FGF12: variants seen among roughly 807,000 people sequenced by gnomAD.
The protein encoded by FGF12 is fibroblast growth factor 12.
FGF12 carries 14 observed loss-of-function variants against 23.6 expected under a neutral mutation model. That is an observed-to-expected ratio of 0.59 (90% CI 0.39 to 0.93). The LOEUF is 0.93. FGF12 is among the 40% of genes least tolerant of loss of function. FGF12 has a pLI of 0.00. For missense variants in FGF12, 175 were observed against 217.8 expected (o/e 0.80, Z 1.24); for synonymous variants, 62 against 77.3 (o/e 0.80, Z 1.04).
At chr3:192,460,049 T>C (rs892496174) in intron 2 of FGF12, among the ~76,000 whole-genome samples, 4 of 152,234 alleles carry the variant, frequency 2.6e-5, no homozygotes, top group Admixed American at 1.3e-4. Flanking sequence ...ATTTACGATA[T>C]GGGGATAATG....
At chr3:192,378,080 T>TCTTTCTC (rs1553805087) in intron 2 of FGF12, among the ~76,000 whole-genome samples, 1 of 105,810 alleles carries the variant, frequency 9.5e-6, no homozygotes, top group Non-Finnish European at 2.0e-5. Context: ...CTTTCTTTCT[T>TCTTTCTC]TCTTTCTTTC....
chr3:192,689,749 G>T (rs1283129115), intron 2 of FGF12, among the ~76,000 whole-genome samples: 1 of 151,872 alleles, frequency 6.6e-6, no homozygotes, highest in Non-Finnish European at 1.5e-5. Context: ...CCATTATTTA[G>T]AAAAATAATG....
chr3:192,480,986 C>T (rs1480952966), intron 2 of FGF12, among the ~76,000 whole-genome samples: 1 of 152,132 alleles, frequency 6.6e-6, no homozygotes, highest in South Asian at 2.1e-4. Flanking sequence ...TCAGACATAA[C>T]ATGAAGGCAG....
intron 4 of FGF12, among the ~76,000 whole-genome samples, chr3:192,182,543 A>G (rs1281494491): frequency 6.6e-6 from 1 of 152,194 alleles, no homozygotes; most frequent in Non-Finnish European, 1.5e-5. Context: ...AACCCATGAA[A>G]TAGGCAATCT....
At chr3:192,512,287 G>C (rs1724501473) in intron 2 of FGF12, among the ~76,000 whole-genome samples, 1 of 152,056 alleles carries the variant, frequency 6.6e-6, no homozygotes, top group African/African-American at 2.4e-5. Context: ...ATTTGCATAT[G>C]CACACTGGGC....
At chr3:192,651,590 G>C (rs1402180595) in intron 2 of FGF12, among the ~76,000 whole-genome samples, 1 of 151,856 alleles carries the variant, frequency 6.6e-6, no homozygotes, top group Admixed American at 6.6e-5. Flanking sequence ...ATTTAAAATG[G>C]GTGGACAAAT....
intron 2 of FGF12, among the ~76,000 whole-genome samples, chr3:192,601,943 A>G (rs772198253): frequency 2.0e-5 from 3 of 152,136 alleles, no homozygotes; most frequent in African/African-American, 7.2e-5. Flanking sequence ...TTTGTTTCAC[A>G]GTTGGTTGAA....
intron 2 of FGF12, among the ~76,000 whole-genome samples, chr3:192,573,089 T>C (rs1013758902): frequency 1.3e-5 from 2 of 152,184 alleles, no homozygotes; most frequent in African/African-American, 4.8e-5. Context: ...CTAAAGAGTC[T>C]CATTCTATAT....
chr3:192,374,720 A>T (rs1167716490), intron 2 of FGF12, among the ~76,000 whole-genome samples: 1 of 152,126 alleles, frequency 6.6e-6, no homozygotes, highest in African/African-American at 2.4e-5. Context: ...GTTAATACTA[A>T]GGTGCAAGTG....
intron 2 of FGF12, among the ~76,000 whole-genome samples, chr3:192,402,104 G>A (rs954782887): frequency 2.0e-5 from 3 of 152,206 alleles, no homozygotes; most frequent in African/African-American, 7.2e-5. Context: ...ATTCTGCTAT[G>A]CTATCACTTA....
At chr3:192,481,516 A>G (rs1370457376) in intron 2 of FGF12, among the ~76,000 whole-genome samples, 1 of 152,176 alleles carries the variant, frequency 6.6e-6, no homozygotes, top group East Asian at 1.9e-4. Context: ...CTAGGTCTAT[A>G]CCAATCAATT....
chr3:192,515,834 C>CT lies in FGF12; in HGVS notation c.14-155297dup, dbSNP rs10681949. Among the ~76,000 whole-genome samples, 1,194 of 147,436 alleles carry CT rather than the reference C, an allele frequency of 8.1e-3. 11 individuals carry two copies. The highest frequency in any genetic ancestry group is 0.011 in the Middle Eastern group (3 of 284). ...TTTTTTCCCAGCAGCCCCCTTGACT[C>CT]TTTTTTTTTTTCTTTTCCTGATGCC... is the stretch of plus-strand genomic sequence containing the variant. On this transcript the variant is annotated intron_variant, in intron 2 of 5. Transcript: ENST00000445105.
At chr3:192,287,183 G>A (rs746666675) in intron 4 of FGF12, among the ~76,000 whole-genome samples, 1 of 151,722 alleles carries the variant, frequency 6.6e-6, no homozygotes, top group Admixed American at 6.6e-5. Context: ...TAATCACATC[G>A]ACTACCATAA....
intron 3 of FGF12, among the ~76,000 whole-genome samples, chr3:192,346,213 C>T (rs1717951452): frequency 6.6e-6 from 1 of 152,168 alleles, no homozygotes; most frequent in Non-Finnish European, 1.5e-5. Context: ...TTTCCTACAA[C>T]ATAAAGCTTA....
rs139064657 is a variant in FGF12 at position 192,415,020 on chromosome 3, G to C, written c.14-54482C>G. 4.5e-3 allele frequency among the ~76,000 whole-genome samples: 686 copies of C among 152,158 alleles called. 7 individuals are homozygous for C. The highest frequency in any genetic ancestry group is 0.016 in the African/African-American group (659 of 41,518). ...CCTTCTTAGTTTAGTAATTCAAGTC[G>C]AGCTCAATAAGAAAATCAAAGGGAA... is the stretch of plus-strand genomic sequence containing the variant. On this transcript the variant is annotated intron_variant, in intron 2 of 5. Transcript: ENST00000445105.
chr3:192,492,928 G>A (rs13315451), intron 2 of FGF12, among the ~76,000 whole-genome samples: 1 of 148,468 alleles, frequency 6.7e-6, no homozygotes, highest in East Asian at 2.0e-4. Context: ...CCACAGGCAT[G>A]TGCTATCATG....
At chr3:192,567,793 C>CTTTCTTTCTTTCTTTCTTTCTTTCTTTCT (rs1553831696) in intron 2 of FGF12, among the ~76,000 whole-genome samples, 1 of 129,646 alleles carries the variant, frequency 7.7e-6, no homozygotes, top group Non-Finnish European at 1.7e-5. Context: ...TTCTTTCTTT[C>CTTTCTTTCTTTCTTTCTTTCTTTCTTTCT]TTTCTTTCTC....
At chr3:192,724,016 A>C (rs537060141) in intron 2 of FGF12, among the ~76,000 whole-genome samples, 73 of 125,830 alleles carry the variant, frequency 5.8e-4, no homozygotes, top group African/African-American at 2.2e-3. Context: ...GAAAGGGAGG[A>C]AGGGAAAAGG....
At chr3:192,261,875 A>G (rs920225175) in intron 4 of FGF12, among the ~76,000 whole-genome samples, 3 of 152,150 alleles carry the variant, frequency 2.0e-5, no homozygotes, top group Non-Finnish European at 2.9e-5. Flanking sequence ...TGAAGAAAAA[A>G]ATAGTAGTAG....
Sources: allele counts gnomAD v4.1 joint callset (sites outside exome capture counted in the v4.1 genomes callset), GRCh38; gene constraint gnomAD v4.1.1; transcripts MANE v1.5; gene names NCBI Gene and HGNC (gene_info 2026-07-23, HGNC 2026-07-21).